The following TENM2 variants were observed in gnomAD, a reference collection of about 807,000 sequenced individuals.
TENM2 encodes the protein teneurin-2.
In TENM2, 52 loss-of-function variants were observed where a neutral mutation model predicts 245.2. The observed-to-expected ratio is 0.21, with a 90% confidence interval of 0.17 to 0.27. The LOEUF is 0.27. Ranked by LOEUF, TENM2 falls within the 10% of genes least tolerant of loss-of-function variation. The pLI is 1.00. For synonymous variants in TENM2, 1,363 were observed against 1,438.9 expected, an observed-to-expected ratio of 0.95 and a Z score of 1.19; for missense variants, 3,046 against 3,666.8, an observed-to-expected ratio of 0.83 and a Z score of 4.37.
intron 1 of TENM2, among the ~76,000 whole-genome samples, chr5:167,342,858 C>CA (rs1462223930): frequency 9.9e-6 from 1 of 100,908 alleles, no homozygotes; most frequent in Non-Finnish European, 2.1e-5. Context: ...TTCCATGATG[C>CA]ATTTTTTTTT....
chr5:167,088,575 A>G, the TENM2 span, among the ~76,000 whole-genome samples: 1 of 151,970 alleles, frequency 6.6e-6, no homozygotes, highest in Non-Finnish European at 1.5e-5. Context: ...TGCAGTGAGC[A>G]GAGATCGGGC....
At chr5:167,913,288 A>G (rs1776688742) in intron 3 of TENM2, among the ~76,000 whole-genome samples, 1 of 152,178 alleles carries the variant, frequency 6.6e-6, no homozygotes, top group South Asian at 2.1e-4. Flanking sequence ...ACTTTGTGCC[A>G]AAGATCAGTG....
intron 2 of TENM2, among the ~76,000 whole-genome samples, chr5:167,823,324 G>A (rs538840295): frequency 9.2e-5 from 14 of 152,128 alleles, no homozygotes; most frequent in Admixed American, 2.6e-4. Flanking sequence ...GGTAATTACC[G>A]ATCCATAAAG....
chr5:167,476,578 G>C (rs1660787297), intron 2 of TENM2, among the ~76,000 whole-genome samples: 1 of 152,066 alleles, frequency 6.6e-6, no homozygotes, highest in African/African-American at 2.4e-5. Context: ...AACAAATACT[G>C]ATATAGCTGG....
the TENM2 span, among the ~76,000 whole-genome samples, chr5:167,177,709 A>C: frequency 6.6e-6 from 1 of 152,214 alleles, no homozygotes; most frequent in Non-Finnish European, 1.5e-5. Context: ...CAGGGAAAGC[A>C]GTTGACATGT....
intron 19 of TENM2, among the ~76,000 whole-genome samples, chr5:168,210,803 G>A (rs975979348): frequency 1.3e-5 from 2 of 152,064 alleles, no homozygotes; most frequent in Non-Finnish European, 2.9e-5. Context: ...GAGGGGTCAG[G>A]GGTTTCTTCC....
rs578251131 is a variant in TENM2, at chr5:167,827,322, G to A, written c.503-48664G>A. Reference sequence around the variant, plus strand: ...CAGAGTGGGGCTGGTAGGGGGCAAGGAACAATTATTGCAACTAAATTTTAA... The same window carrying A: ...CAGAGTGGGGCTGGTAGGGGGCAAGAAACAATTATTGCAACTAAATTTTAA... On this transcript the variant is annotated intron_variant, in intron 2 of 28. Transcript: ENST00000518659. Among the ~76,000 whole-genome samples the A allele has an allele frequency of 1.2e-3, 177 of 152,232 alleles. 2 individuals are homozygous for A. The highest frequency in any genetic ancestry group is 1.4e-3 in the Admixed American group (21 of 15,282).
At chr5:167,257,950 A>G in the TENM2 span, among the ~76,000 whole-genome samples, 4 of 151,988 alleles carry the variant, frequency 2.6e-5, no homozygotes, top group Non-Finnish European at 5.9e-5. Context: ...AAATGAAATG[A>G]AGACTAGGAA....
At chr5:167,173,448 A>T in the TENM2 span, among the ~76,000 whole-genome samples, 3 of 152,184 alleles carry the variant, frequency 2.0e-5, no homozygotes, top group Non-Finnish European at 4.4e-5. Flanking sequence ...ACCTGTGTGG[A>T]TAATTGGAAG....
At chr5:167,911,479 A>G (rs1201259554) in intron 3 of TENM2, among the ~76,000 whole-genome samples, 3 of 152,244 alleles carry the variant, frequency 2.0e-5, no homozygotes, top group Non-Finnish European at 4.4e-5. Context: ...GTGAGCCGAG[A>G]TCGCGCCACT....
intron 7 of TENM2, among the ~76,000 whole-genome samples, chr5:168,087,934 T>C (rs557414255): frequency 3.8e-4 from 58 of 152,268 alleles, no homozygotes; most frequent in African/African-American, 1.3e-3. Context: ...AAATGAAAAC[T>C]GCCCTCTGTG....
At chr5:167,951,872 A>G (rs1780135411) in intron 3 of TENM2, among the ~76,000 whole-genome samples, 1 of 152,260 alleles carries the variant, frequency 6.6e-6, no homozygotes, top group African/African-American at 2.4e-5. Context: ...ACATACGCAA[A>G]TATGTGTGTA....
At chr5:167,748,410 G>T in intron 2 of TENM2, among the ~76,000 whole-genome samples, 1 of 151,830 alleles carries the variant, frequency 6.6e-6, no homozygotes, top group East Asian at 1.9e-4. Flanking sequence ...ACAAGATCTT[G>T]TTCTATCACC....
intron 2 of TENM2, among the ~76,000 whole-genome samples, chr5:167,836,496 T>C (rs1406591361): frequency 3.3e-5 from 5 of 152,180 alleles, no homozygotes; most frequent in Non-Finnish European, 7.3e-5. Context: ...GAATAATATA[T>C]TTTTGGATTT....
At chr5:167,283,788 ATTTGGAACTTGGAGGCGCC>A (rs1364937283), upstream of TENM2, among the ~76,000 whole-genome samples, 1 of 152,132 alleles carries the variant, frequency 6.6e-6, no homozygotes, top group East Asian at 1.9e-4. Context: ...AGAGCCTATG[ATTTGGAACTTGGAGGCGCC>A]TAAGCATTTT....
intron 20 of TENM2, among the ~76,000 whole-genome samples, chr5:168,214,328 G>A (rs936307834): frequency 1.3e-5 from 2 of 152,188 alleles, no homozygotes; most frequent in Non-Finnish European, 2.9e-5. Context: ...ATCCCCTAGT[G>A]TGGCTGGGAG....
chr5:167,584,865 T>TTG (rs1250010848), intron 2 of TENM2, among the ~76,000 whole-genome samples: 2,496 of 152,132 alleles, frequency 0.016, 64 homozygotes, highest in African/African-American at 0.057. Flanking sequence ...CGGCTAATTT[T>TTG]TATATTTTTA....
At chr5:168,213,274 A>G (rs1393034423) in intron 20 of TENM2, among the ~76,000 whole-genome samples, 2 of 152,202 alleles carry the variant, frequency 1.3e-5, no homozygotes, top group African/African-American at 4.8e-5. Flanking sequence ...TAGTTCAGGG[A>G]TGTGTCTTAA....
chr5:168,048,060 G>C (rs985333962), intron 6 of TENM2, among the ~76,000 whole-genome samples: 2 of 152,196 alleles, frequency 1.3e-5, no homozygotes, highest in Non-Finnish European at 2.9e-5. Context: ...TGTGCTTTGG[G>C]GGAGAATAGA....
Sources: allele counts gnomAD v4.1 joint callset (sites outside exome capture counted in the v4.1 genomes callset), GRCh38; gene constraint gnomAD v4.1.1; transcripts MANE v1.5; gene names NCBI Gene and HGNC (gene_info 2026-07-23, HGNC 2026-07-21).